The following SPTBN5 variants were observed in gnomAD, a reference collection of about 807,000 sequenced individuals.
The protein encoded by SPTBN5 is spectrin beta chain, non-erythrocytic 5.
Under a neutral mutation model 477.6 loss-of-function variants are expected in SPTBN5, and 513 were observed. The ratio of observed to expected loss-of-function variants is 1.07; its 90% CI spans 1.00 to 1.16. The LOEUF (loss-of-function observed/expected upper bound fraction) is 1.16. Ranked by LOEUF, SPTBN5 falls within the 50% of genes most tolerant of loss-of-function variation. The probability of loss-of-function intolerance (pLI) is 0.00; values close to 1 mark genes in which losing one functional copy is unlikely to be tolerated. For synonymous variants in SPTBN5, 2,169 were observed against 2,011.7 expected (o/e 1.08, Z -2.09); for missense variants, 5,062 against 4,731.8 (o/e 1.07, Z -2.05).
At position 41,852,218 on chromosome 15, in the gene SPTBN5, C is replaced by T. The variant is rs759662344; in HGVS notation, c.10548G>A (p.Gly3516=). 18 of 1,608,316 alleles carry T rather than the reference C, an allele frequency of 1.1e-5. No homozygotes were observed. Among genetic ancestry groups the T allele is most frequent in the Middle Eastern group, 1.7e-4 (1 of 5,920 alleles). Residue 3516 remains glycine (G), a synonymous_variant, in exon 62 of 68, where the codon GGG becomes GGA. Transcript: ENST00000320955. Reference sequence around the variant, plus strand: ...TCGTCTCAGCCAGCTGTGCTCCTAGCCCCTGGTGTCCAGAGGGCCTCCACT... The same window carrying T: ...TCGTCTCAGCCAGCTGTGCTCCTAGTCCCTGGTGTCCAGAGGGCCTCCACT... The part of the protein sequence containing the change: ...SFQWRPSGHQ[G]LGAQLAETRD...
At position 41,850,874 on chromosome 15, in the gene SPTBN5, C is replaced by T. The variant is rs779610161; in HGVS notation, c.10901G>A (p.Arg3634Gln). 1.5e-5 allele frequency: 24 copies of T among 1,601,028 alleles called. No individual in the cohort carries two copies. Among genetic ancestry groups the T allele is most frequent in the Middle Eastern group, 1.6e-4 (1 of 6,072 alleles). ...PSEEQAESWW[R>Q]ALGSTAAQSL... The stretch of plus-strand genomic sequence containing the variant: ...CCCACCTGCAGTGCTGCCCAGGGCT[C>T]GCCACCAGCTCTCAGCCTGCTCTTC... The change falls in exon 66 of 68, where the codon CGA becomes CAA. Residue 3634 changes from arginine (R) to glutamine (Q), a missense_variant. Coordinates refer to ENST00000320955, the MANE Select transcript of SPTBN5 (RefSeq NM_016642.4).
Position 41,868,823 on chromosome 15 carries a change from C to A in SPTBN5, c.5854-222G>T, listed in dbSNP as rs1401126220. Among the ~76,000 whole-genome samples, 8 of 152,316 alleles carry A rather than the reference C, an allele frequency of 5.3e-5. No homozygotes were observed. The East Asian group carries it at 1.5e-3, about 29-fold the overall frequency. ...CACGAACCCCCTACATGAGCCAGAC[C>A]CTTACCACGACACATCTCTGCCCTT... On this transcript the variant is annotated intron_variant, in intron 32 of 67. Transcript: ENST00000320955.
rs1447585852 is a variant in SPTBN5 at position 41,855,431 on chromosome 15, G to A, written c.9219-3C>T. 2.5e-6 allele frequency: 4 copies of A among 1,601,178 alleles called. No homozygotes were observed. The highest frequency in any genetic ancestry group is 1.7e-4 in the Middle Eastern group (1 of 6,040). On this transcript the variant is annotated splice_region_variant and splice_polypyrimidine_tract_variant and intron_variant, in intron 54 of 67. Coordinates refer to ENST00000320955, the MANE Select transcript of SPTBN5 (RefSeq NM_016642.4). ...GCAGCTGGGCTAGCACCTTGGGGCT[G>A]TGGGAAGAGAGCGACAGTCTGGACT...
At position 41,856,931 on chromosome 15, in the gene SPTBN5, C is replaced by T. The variant is rs143637031; in HGVS notation, c.8730G>A (p.Gln2910=). ...GGGCAGCGGCCAGAGGCAGCTTCTC[C>T]TGCACCCAGGCCATTTCCTCGTCGG... ...RDADEEMAWV[Q]EKLPLAAAQD... The change falls in exon 52 of 68, where the codon CAG becomes CAA. Residue 2910 remains glutamine, a synonymous_variant. Coordinates refer to ENST00000320955, the MANE Select transcript of SPTBN5 (RefSeq NM_016642.4). 7 of 1,569,174 alleles carry T rather than the reference C, an allele frequency of 4.5e-6. No homozygotes were observed. The highest frequency in any genetic ancestry group is 3.3e-4 in the Middle Eastern group (2 of 6,012).
chr15:41,888,129 G>A, intron 4 of SPTBN5, 44 bp from the exon 5 acceptor site: 2 of 1,535,262 alleles, frequency 1.3e-6, no homozygotes, highest in Non-Finnish European at 1.8e-6. Context: ...GGATGGGGTG[G>A]GGAGGCAGAG....
chr15:41,862,339 T>TC, intron 43 of SPTBN5, 47 bp from the exon 44 acceptor site: 1 of 1,551,744 alleles, frequency 6.4e-7, no homozygotes, highest in African/African-American at 1.4e-5. Context: ...CAAACCCCTC[T>TC]CCCCCATGCC....
intron 47 of SPTBN5, among the ~76,000 whole-genome samples, chr15:41,859,651 CA>C: frequency 1.3e-5 from 2 of 152,280 alleles, no homozygotes; most frequent in Middle Eastern, 6.8e-3. Context: ...GGGCAGAAGC[CA>C]GGGGCTAGAA....
chr15:41,882,769 T>A (rs1472813134), intron 9 of SPTBN5, 31 bp from the exon 10 acceptor site: 1 of 1,597,252 alleles, frequency 6.3e-7, no homozygotes. Context: ...CCGAAGGACA[T>A]GGGGAGTCGT....
chr15:41,852,523 C>T, intron 61 of SPTBN5, 111 bp downstream of exon 61: 2 of 1,336,110 alleles, frequency 1.5e-6, no homozygotes, highest in Non-Finnish European at 2.1e-6. Context: ...GGGAAAGGAG[C>T]AGGTAAGGCA....
In SPTBN5 at chr15:41,853,092, C is replaced by T. The variant is rs569480429; in HGVS notation, c.10171-92G>A. On this transcript the variant is annotated intron_variant, in intron 59 of 67. Transcript: ENST00000320955. ...GGAGAGCCAAGTGTTAATGGAAGTG[C>T]AGAGGGAAGGCTGTGAGACCCGCAC... is the stretch of plus-strand genomic sequence containing the variant. 19 of 1,439,456 alleles carry T rather than the reference C, an allele frequency of 1.3e-5. No homozygotes were observed. In the East Asian group the frequency reaches 3.2e-4, roughly 25 times the overall value. The allele number at this position is 1,439,456 out of a possible 1,614,324, so 89.2% of individuals were successfully genotyped here.
chr15:41,887,573 T>C, intron 5 of SPTBN5, 132 bp from the exon 6 acceptor site: 2 of 753,196 alleles, frequency 2.7e-6, no homozygotes, highest in Non-Finnish European at 4.4e-6. Context: ...GACAGTTATC[T>C]GAGGCCCTGT....
Position 41,854,172 on chromosome 15 carries a change from G to A in SPTBN5, c.9652C>T (p.Gln3218Ter), listed in dbSNP as rs931631795. The A allele has an allele frequency of 6.3e-7, 1 of 1,599,888 alleles. No homozygotes were observed. The highest frequency in any genetic ancestry group is 2.3e-5 in the East Asian group (1 of 44,262). ...LAAAHEVHSFQQAAAELQGRM... is the reference protein window; with the variant it reads ...LAAAHEVHSF ...CCCTGGAGCTCAGCTGCTGCCTGCTGAAAGCTGTGGACCTCATGGGCTGCA... is the reference window on the plus strand; with the variant it reads ...CCCTGGAGCTCAGCTGCTGCCTGCTAAAAGCTGTGGACCTCATGGGCTGCA... The change falls in exon 57 of 68, where the codon CAG (glutamine) becomes TAG (stop). Residue 3218 changes from glutamine to a stop codon, truncating the protein, a stop_gained. Coordinates refer to ENST00000320955, the MANE Select transcript of SPTBN5 (RefSeq NM_016642.4). LOFTEE classifies it high-confidence loss of function.
At chr15:41,886,458 G>C (rs1048912178) in intron 6 of SPTBN5, 92 bp from the exon 7 acceptor site, 1 of 1,388,368 alleles carries the variant, frequency 7.2e-7, no homozygotes, top group African/African-American at 1.4e-5. Flanking sequence ...CAGGTGGGCT[G>C]TAGCTACTTC....
At chr15:41,849,402 A>C (rs1041114577) in intron 67 of SPTBN5, among the ~76,000 whole-genome samples, 4 of 152,140 alleles carry the variant, frequency 2.6e-5, no homozygotes, top group African/African-American at 9.7e-5. Flanking sequence ...GCAGGGGAGG[A>C]CCAGGTAGAG....
rs533423861 is a variant in SPTBN5, at chr15:41,858,344, G to A, written c.8226+258C>T. The stretch of plus-strand genomic sequence containing the variant: ...CTTCGCTCACAGGACTGGTGGCTAT[G>A]TCCTGTTCACATCAAAATGTTATCT... On this transcript the variant is annotated intron_variant, in intron 49 of 67. Coordinates refer to ENST00000320955, the MANE Select transcript of SPTBN5 (RefSeq NM_016642.4). Among the ~76,000 whole-genome samples the A allele has an allele frequency of 8.4e-4, 128 of 152,350 alleles. 1 individual carries two copies. The highest frequency in any genetic ancestry group is 3.1e-4 in the Non-Finnish European group (21 of 68,024).
Position 41,852,277 on chromosome 15 carries a change from G to T in SPTBN5, c.10489C>A (p.Pro3497Thr). Residue 3497 changes from proline (P) to threonine (T), a missense_variant, in exon 62 of 68, where the codon CCC becomes ACC. Transcript: ENST00000320955. ...GTCAGCGAGCTGCCAGCTCTCCCGG[G>T]CTTCAGCTCCTGTGGCTGCAGCAGG... ...ELLLQPQELKPGRAGSSLTSF... is the reference protein window; with the variant it reads ...ELLLQPQELKTGRAGSSLTSF... 1 of 1,603,494 alleles carries T rather than the reference G, an allele frequency of 6.2e-7. No homozygotes were observed. Among genetic ancestry groups the T allele is most frequent in the Non-Finnish European group, 8.5e-7 (1 of 1,175,044 alleles).
chr15:41,856,983 C>A lies in SPTBN5; in HGVS notation c.8678G>T (p.Ser2893Ile), dbSNP rs1422714594. The A allele has an allele frequency of 6.2e-7, 1 of 1,602,536 alleles. No individual in the cohort carries two copies. Among genetic ancestry groups the A allele is most frequent in the Non-Finnish European group, 8.5e-7 (1 of 1,175,384 alleles). Reference sequence around the variant, plus strand: ...GTCCCTGAAGAACTTCAAGAGGAGGCTCCGGGCCTCCAGGGCCGTCCTGCG... The same window carrying A: ...GTCCCTGAAGAACTTCAAGAGGAGGATCCGGGCCTCCAGGGCCGTCCTGCG... ...QERRTALEAR[S>I]LLLKFFRDAD... Residue 2893 changes from serine (S) to isoleucine (I), a missense_variant, in exon 52 of 68, where the codon AGC (serine) becomes ATC (isoleucine). Transcript: ENST00000320955.
intron 41 of SPTBN5, among the ~76,000 whole-genome samples, chr15:41,863,431 G>A (rs1232097617): frequency 2.0e-5 from 3 of 152,192 alleles, no homozygotes; most frequent in African/African-American, 4.8e-5. Context: ...CTGGCCTCTG[G>A]ACCTGCCATG....
intron 53 of SPTBN5, 103 bp downstream of exon 53, chr15:41,856,283 G>A: frequency 9.6e-7 from 1 of 1,041,144 alleles, no homozygotes; most frequent in Non-Finnish European, 1.4e-6. Context: ...CTGAGTGGAG[G>A]AGACGAAAGG....
Sources: gnomAD v4.1 joint callset for allele counts (sites outside exome capture counted in the v4.1 genomes callset) on GRCh38, gnomAD v4.1.1 for gene constraint, MANE v1.5 for transcripts, NCBI Gene and HGNC (gene_info 2026-07-23, HGNC 2026-07-21) for gene names.